Variants in PPM1L observed in about 807,000 individuals in gnomAD.
The protein encoded by PPM1L is protein phosphatase, Mg2+/Mn2+ dependent 1L, also known as protein phosphatase 1L.
In PPM1L, 13 loss-of-function variants were observed where a neutral mutation model predicts 31.4. The ratio of observed to expected loss-of-function variants is 0.41; its 90% CI spans 0.27 to 0.66. The LOEUF is 0.66. Ranked by LOEUF, PPM1L falls within the 30% of genes least tolerant of loss-of-function variation. The pLI is 0.29. For synonymous variants in PPM1L, 184 were observed against 175.4 expected (o/e 1.05, Z -0.39); for missense variants, 326 against 453.7 (o/e 0.72, Z 2.56).
At chr3:160,920,549 G>A (rs1458942154) in intron 1 of PPM1L, among the ~76,000 whole-genome samples, 1 of 142,546 alleles carries the variant, frequency 7.0e-6, no homozygotes, top group Non-Finnish European at 1.5e-5. Flanking sequence ...TTTCTTTGAG[G>A]CAGCTGAAAC....
At chr3:160,794,929 A>G (rs1712206548) in intron 1 of PPM1L, among the ~76,000 whole-genome samples, 1 of 152,146 alleles carries the variant, frequency 6.6e-6, no homozygotes, top group Non-Finnish European at 1.5e-5. Flanking sequence ...CGCAGGGGGT[A>G]ATGGTGAAAT....
At chr3:160,966,888 G>C (rs952918154) in intron 2 of PPM1L, among the ~76,000 whole-genome samples, 1 of 151,884 alleles carries the variant, frequency 6.6e-6, no homozygotes, top group Non-Finnish European at 1.5e-5. Context: ...CAGAGAAAAG[G>C]TTCAATAATG....
rs535629430 is a variant in PPM1L, at chr3:161,006,872, C to T, written c.574+44962C>T. On this transcript the variant is annotated intron_variant, in intron 2 of 3. Transcript: ENST00000498165. Reference sequence around the variant, plus strand: ...TAATTTTTTGTAGTTTTAGTAGAGACGGGGTTTCACCTTGTTAGTCAGGAT... The same window carrying T: ...TAATTTTTTGTAGTTTTAGTAGAGATGGGGTTTCACCTTGTTAGTCAGGAT... 1.1e-4 allele frequency among the ~76,000 whole-genome samples: 17 copies of T among 152,090 alleles called. No homozygotes were observed. The South Asian group carries it at 2.1e-3, about 19-fold the overall frequency.
At chr3:160,835,909 G>A (rs1713700334) in intron 1 of PPM1L, among the ~76,000 whole-genome samples, 1 of 151,956 alleles carries the variant, frequency 6.6e-6, no homozygotes, top group South Asian at 2.1e-4. Flanking sequence ...AAATCACAGT[G>A]ACATTATCCA....
intron 2 of PPM1L, among the ~76,000 whole-genome samples, chr3:161,015,497 G>T (rs1718057028): frequency 1.3e-5 from 2 of 152,140 alleles, no homozygotes; most frequent in South Asian, 4.1e-4. Flanking sequence ...TTATTTACAT[G>T]CTTCAGCTGC....
At chr3:161,067,359 C>T (rs1178787313) in intron 3 of PPM1L, among the ~76,000 whole-genome samples, 1 of 152,208 alleles carries the variant, frequency 6.6e-6, no homozygotes, top group African/African-American at 2.4e-5. Flanking sequence ...TTACACAAGG[C>T]TTAAGAAACA....
chr3:160,787,207 T>C (rs1711960735), intron 1 of PPM1L, among the ~76,000 whole-genome samples: 1 of 152,232 alleles, frequency 6.6e-6, no homozygotes, highest in Non-Finnish European at 1.5e-5. Flanking sequence ...CTGAACTAAT[T>C]TACATTTCCA....
At chr3:161,009,030 G>A (rs771427010) in intron 2 of PPM1L, among the ~76,000 whole-genome samples, 25 of 152,270 alleles carry the variant, frequency 1.6e-4, no homozygotes, top group Middle Eastern at 3.4e-3. Flanking sequence ...TTTAGGGTGG[G>A]GACATAGGGA....
chr3:160,782,408 G>A (rs1403695026), intron 1 of PPM1L, among the ~76,000 whole-genome samples: 1 of 152,172 alleles, frequency 6.6e-6, no homozygotes, highest in Non-Finnish European at 1.5e-5. Context: ...GAAAGTTTCA[G>A]TGCTTATGAA....
chr3:161,023,100 T>G (rs1718282639), intron 2 of PPM1L, among the ~76,000 whole-genome samples: 1 of 151,712 alleles, frequency 6.6e-6, no homozygotes, highest in Non-Finnish European at 1.5e-5. Context: ...GTTAGTCTCA[T>G]TTGAAACTTT....
chr3:160,897,844 T>G (rs1261566612), intron 1 of PPM1L, among the ~76,000 whole-genome samples: 1 of 152,210 alleles, frequency 6.6e-6, no homozygotes, highest in African/African-American at 2.4e-5. Context: ...ACTCTCAGTG[T>G]CTCACCTCCA....
intron 1 of PPM1L, among the ~76,000 whole-genome samples, chr3:160,848,700 T>G (rs913878322): frequency 6.6e-6 from 1 of 152,216 alleles, no homozygotes; most frequent in East Asian, 1.9e-4. Context: ...ATTCTTCTCA[T>G]CTCTGCAGCT....
intron 2 of PPM1L, chr3:161,035,923 A>T (rs1718728124): frequency 6.6e-6 from 1 of 152,240 alleles, no homozygotes; most frequent in Admixed American, 6.5e-5. Flanking sequence ...TCTCCAGTTA[A>T]TGAGCTATAC....
chr3:161,022,403 A>G, intron 2 of PPM1L: 2 of 364,028 alleles, frequency 5.5e-6, no homozygotes, highest in Non-Finnish European at 9.7e-6. Flanking sequence ...TTAACAAATA[A>G]GATCAAATTA....
At chr3:160,783,819 G>A (rs1409017928) in intron 1 of PPM1L, among the ~76,000 whole-genome samples, 2 of 152,064 alleles carry the variant, frequency 1.3e-5, no homozygotes, top group Non-Finnish European at 2.9e-5. Context: ...AAGTCTCCTT[G>A]TAATTATGTA....
At chr3:160,794,035 C>G (rs1048904084) in intron 1 of PPM1L, among the ~76,000 whole-genome samples, 3 of 147,224 alleles carry the variant, frequency 2.0e-5, no homozygotes, top group African/African-American at 8.1e-5. Context: ...ATTTTTACAT[C>G]TCTCTGAGAA....
intron 1 of PPM1L, among the ~76,000 whole-genome samples, chr3:160,842,952 C>T (rs1240852638): frequency 6.6e-6 from 1 of 152,040 alleles, no homozygotes; most frequent in African/African-American, 2.4e-5. Context: ...TTGTCTTATT[C>T]TTTTAGACCC....
chr3:161,060,975 C>T (rs979880313), intron 2 of PPM1L, among the ~76,000 whole-genome samples: 1 of 151,978 alleles, frequency 6.6e-6, no homozygotes, highest in Non-Finnish European at 1.5e-5. Flanking sequence ...TGTTTTGTCT[C>T]AAGCATAAAA....
chr3:160,971,129 T>A (rs1310995267), intron 2 of PPM1L, among the ~76,000 whole-genome samples: 1 of 152,188 alleles, frequency 6.6e-6, no homozygotes, highest in African/African-American at 2.4e-5. Context: ...TTGGCCATAG[T>A]TGTTTGAAAG....
Sources: gnomAD v4.1 joint callset for allele counts (sites outside exome capture counted in the v4.1 genomes callset) on GRCh38, gnomAD v4.1.1 for gene constraint, MANE v1.5 for transcripts, NCBI Gene and HGNC (gene_info 2026-07-23, HGNC 2026-07-21) for gene names.